The following LHX6 variants were observed in gnomAD, a reference collection of about 807,000 sequenced individuals.
The protein encoded by LHX6 is LIM/homeobox protein Lhx6.
Under a neutral mutation model 47.1 loss-of-function variants are expected in LHX6, and 15 were observed. The ratio of observed to expected loss-of-function variants is 0.32; its 90% CI spans 0.21 to 0.49. The LOEUF is 0.49. Ranked by LOEUF, LHX6 falls within the 20% of genes least tolerant of loss-of-function variation. LHX6 has a pLI of 0.99. For missense variants in LHX6, 404 were observed against 539.6 expected (o/e 0.75, Z 2.49); for synonymous variants, 242 against 233.5 (o/e 1.04, Z -0.33).
intron 1 of LHX6, 29 bp from the exon 2 acceptor site, chr9:122,227,509 G>T: frequency 1.3e-6 from 2 of 1,524,684 alleles, no homozygotes; most frequent in South Asian, 1.2e-5. Context: ...GAACGCAGGC[G>T]GCGGCGGCTG....
At chr9:122,225,805 G>T (rs1384349614) in intron 4 of LHX6, among the ~76,000 whole-genome samples, 4 of 152,236 alleles carry the variant, frequency 2.6e-5, no homozygotes, top group Admixed American at 2.0e-4. Context: ...CGAGGCGCTT[G>T]GGTATGGGAT....
intron 4 of LHX6, chr9:122,221,412 C>T (rs1186763400): frequency 3.0e-6 from 3 of 985,492 alleles, no homozygotes; most frequent in Non-Finnish European, 2.4e-6. Flanking sequence ...CCCCTGGGAC[C>T]CTCGCTTTGC....
In LHX6 at chr9:122,214,227, C is replaced by T. The variant is rs1351900578; in HGVS notation, c.783+56G>A. Reference sequence around the variant, plus strand: ...GGGCGGAGCCAGGAGACATTGTCGGCCCCGCCCACTTTCGGCCCGGCCCCC... The same window carrying T: ...GGGCGGAGCCAGGAGACATTGTCGGTCCCGCCCACTTTCGGCCCGGCCCCC... On this transcript the variant is annotated intron_variant, in intron 6 of 9. Coordinates refer to ENST00000394319, the MANE Select transcript of LHX6 (RefSeq NM_014368.5). This position sits in a 1 kb window ranked among gnomAD's most constrained non-coding sequence, Gnocchi z 4.6. The T allele has an allele frequency of 4.3e-6, 6 of 1,393,672 alleles. No individual in the cohort carries two copies. The East Asian group carries it at 1.1e-4, about 26-fold the overall frequency. The allele number at this position is 1,393,672 out of a possible 1,614,324, so 86.3% of individuals were successfully genotyped here.
rs1830451260 is a variant in LHX6 at position 122,213,019 on chromosome 9, A to C, written c.1054+587T>G. 2.0e-5 allele frequency among the ~76,000 whole-genome samples: 3 copies of C among 152,068 alleles called. No individual in the cohort carries two copies. The highest frequency in any genetic ancestry group is 2.0e-4 in the Admixed American group (3 of 15,268). On this transcript the variant is annotated intron_variant, in intron 8 of 9. Coordinates refer to ENST00000394319, the MANE Select transcript of LHX6 (RefSeq NM_014368.5). The surrounding 1 kb of genome is among the most constrained non-coding windows in gnomAD (Gnocchi z 5.5). ...AGGCCTCACAGCCCTGGACACTCCC[A>C]TCACACTGGCCTTCTGCTCCCCAGA...
chr9:122,216,558 C>A (rs1234978814), intron 5 of LHX6, among the ~76,000 whole-genome samples: 2 of 152,176 alleles, frequency 1.3e-5, no homozygotes, highest in African/African-American at 4.8e-5. Context: ...TAGTTAGAGA[C>A]CCTGGTCCAG....
At chr9:122,219,099 C>A (rs1014307488) in intron 4 of LHX6, among the ~76,000 whole-genome samples, 1 of 152,192 alleles carries the variant, frequency 6.6e-6, no homozygotes, top group Non-Finnish European at 1.5e-5. Context: ...ACGGAGGAAA[C>A]AGTCCGGCAA....
rs927836084 is a variant in LHX6 at position 122,219,679 on chromosome 9, G to T, written c.462-2391C>A. Among the ~76,000 whole-genome samples, 7 of 152,198 alleles carry T rather than the reference G, an allele frequency of 4.6e-5. No homozygotes were observed. The South Asian group carries it at 1.2e-3, about 27-fold the overall frequency. Reference sequence around the variant, plus strand: ...CTTCGTCGCAACCCGGTGAGGTGGGGACTCTGGCATCCGGTTTTCATAGGA... The same window carrying T: ...CTTCGTCGCAACCCGGTGAGGTGGGTACTCTGGCATCCGGTTTTCATAGGA... On this transcript the variant is annotated intron_variant, in intron 4 of 9. Coordinates refer to ENST00000394319, the MANE Select transcript of LHX6 (RefSeq NM_014368.5).
Position 122,227,015 on chromosome 9 carries a change from C to T in LHX6, c.172G>A (p.Glu58Lys). Reference protein sequence around the residue: ...APPAMAQSDAEALAGALDKDE... With the variant: ...APPAMAQSDAKALAGALDKDE... ...TTGTCCAGAGCTCCTGCCAGGGCCT[C>T]GGCGTCAGACTGAGCCTGCGGCGGG... The change falls in exon 3 of 10, where the codon GAG becomes AAG. Residue 58 changes from glutamate (E) to lysine (K), a missense_variant. By Grantham distance (56) the Glu-to-Lys change is moderately conservative. Around this residue, in one of 7 missense-constraint regions of LHX6, gnomAD observed 144 missense variants for 128.7 expected, o/e 1.12. Transcript: ENST00000394319. The T allele has an allele frequency of 6.6e-7, 1 of 1,504,278 alleles. No individual in the cohort carries two copies. Among genetic ancestry groups the T allele is most frequent in the Non-Finnish European group, 8.9e-7 (1 of 1,123,466 alleles). The allele number at this position is 1,504,278 out of a possible 1,614,324, so 93.2% of individuals were successfully genotyped here.
chr9:122,228,746 G>T lies in LHX6; in HGVS notation c.-6C>A, dbSNP rs780004247. On this transcript the variant is annotated 5_prime_UTR_variant, in exon 1 of 10. Transcript: ENST00000394319. ...TTCTCATGCTTCCAGTACATGGGCCGGGGAACCTCGGGCTCAGCGGGCGCG... is the reference window on the plus strand; with the variant it reads ...TTCTCATGCTTCCAGTACATGGGCCTGGGAACCTCGGGCTCAGCGGGCGCG... 1.6e-6 allele frequency: 2 copies of T among 1,259,444 alleles called. No individual in the cohort carries two copies. Among genetic ancestry groups the T allele is most frequent in the African/African-American group, 3.1e-5 (2 of 64,414 alleles). The allele number at this position is 1,259,444 out of a possible 1,614,324, so 78.0% of individuals were successfully genotyped here. A position where few individuals can be genotyped will look rare whatever the true frequency, so the allele number is the denominator to read the frequency against.
rs375553616 is a variant in LHX6, at chr9:122,209,610, T to A, written c.1158+4A>T. On this transcript the variant is annotated splice_donor_region_variant and intron_variant, in intron 9 of 9. Transcript: ENST00000394319. Reference sequence around the variant, plus strand: ...CCCACCAGACCCAACCTGGCTCCATTTACCTTCTCACCCCGGTTGGAGAGC... The same window carrying A: ...CCCACCAGACCCAACCTGGCTCCATATACCTTCTCACCCCGGTTGGAGAGC... The A allele has an allele frequency of 6.2e-7, 1 of 1,612,960 alleles. No individual in the cohort carries two copies. The highest frequency in any genetic ancestry group is 8.5e-7 in the Non-Finnish European group (1 of 1,179,116).
Position 122,228,926 on chromosome 9 carries a change from C to T in LHX6, c.-186G>A. On this transcript the variant is annotated 5_prime_UTR_variant, in exon 1 of 10. Coordinates refer to ENST00000394319, the MANE Select transcript of LHX6 (RefSeq NM_014368.5). Reference sequence around the variant, plus strand: ...CGCGCAGCCCCGGCCTCCCTGGCTGCTGCCGCCGCTGCCTCGGAAGAAGGT... The same window carrying T: ...CGCGCAGCCCCGGCCTCCCTGGCTGTTGCCGCCGCTGCCTCGGAAGAAGGT... 1 of 202,922 alleles carries T rather than the reference C, an allele frequency of 4.9e-6. No homozygotes were observed. 12.6% of individuals were successfully genotyped at this position (202,922 alleles called of 1,614,324 possible).
intron 4 of LHX6, among the ~76,000 whole-genome samples, chr9:122,222,839 A>G (rs1209243210): frequency 6.6e-6 from 1 of 152,182 alleles, no homozygotes. Context: ...CTCCCCCTCC[A>G]TGGGGCCTTG....
At chr9:122,215,446 C>G (rs78644860) in intron 5 of LHX6, among the ~76,000 whole-genome samples, 1 of 152,162 alleles carries the variant, frequency 6.6e-6, no homozygotes, top group African/African-American at 2.4e-5. Flanking sequence ...TAAGAGAGAT[C>G]GGAGGCCCCA....
At chr9:122,221,964 C>G (rs976471644) in intron 4 of LHX6, among the ~76,000 whole-genome samples, 4 of 151,986 alleles carry the variant, frequency 2.6e-5, no homozygotes, top group African/African-American at 7.3e-5. Flanking sequence ...CTCGATCCCA[C>G]CCCCACGCCA....
chr9:122,209,574 G>T, intron 9 of LHX6, 40 bp downstream of exon 9: 1 of 1,613,154 alleles, frequency 6.2e-7, no homozygotes. Flanking sequence ...TCCCCAGCAG[G>T]GTGGCTCTGA....
rs371783053 is a variant in LHX6, at chr9:122,209,733, T to A, written c.1055-16A>T. 29 of 802,166 alleles carry A rather than the reference T, an allele frequency of 3.6e-5. No individual in the cohort carries two copies. Among genetic ancestry groups the A allele is most frequent in the Non-Finnish European group, 6.6e-5 (29 of 440,422 alleles). The allele number at this position is 802,166 out of a possible 1,614,324, so 49.7% of individuals were successfully genotyped here. ...TGTACCTGACCTGTGGACGAGAGGA[T>A]GCCTTGGAGCTCATCCCCCAGGCTG... is the stretch of plus-strand genomic sequence containing the variant. On this transcript the variant is annotated splice_polypyrimidine_tract_variant and intron_variant, in intron 8 of 9. Transcript: ENST00000394319.
In LHX6 at chr9:122,213,957, G is replaced by A; in HGVS notation, c.879+17C>T. On this transcript the variant is annotated intron_variant, in intron 7 of 9. Coordinates refer to ENST00000394319, the MANE Select transcript of LHX6 (RefSeq NM_014368.5). This position sits in a 1 kb window ranked among gnomAD's most constrained non-coding sequence, Gnocchi z 5.5. ...GGCGTGCCCGCGGTCCCCAGGCCCC[G>A]CCCACCCCCGTCCCACCTGGATGAC... 5.3e-6 allele frequency: 4 copies of A among 752,546 alleles called. No individual in the cohort carries two copies. The highest frequency in any genetic ancestry group is 6.3e-6 in the Non-Finnish European group (3 of 474,868). 46.6% of individuals were successfully genotyped at this position (752,546 alleles called of 1,614,324 possible).
chr9:122,219,554 G>C (rs574915127), intron 4 of LHX6, among the ~76,000 whole-genome samples: 1 of 152,330 alleles, frequency 6.6e-6, no homozygotes, highest in African/African-American at 2.4e-5. Flanking sequence ...GGGGAGGCTG[G>C]CTTCCGATTA....
chr9:122,205,393 A>G (rs1468368246), intron 9 of LHX6, among the ~76,000 whole-genome samples: 1 of 152,226 alleles, frequency 6.6e-6, no homozygotes, highest in Non-Finnish European at 1.5e-5. Context: ...GCTCAGACAC[A>G]CTGGGTGCCC....
Sources: allele counts gnomAD v4.1 joint callset (sites outside exome capture counted in the v4.1 genomes callset), GRCh38; gene constraint gnomAD v4.1.1; regional missense constraint gnomAD v4.1.1; non-coding constraint Gnocchi (gnomAD v3.1); transcripts MANE v1.5; gene names NCBI Gene and HGNC (gene_info 2026-07-23, HGNC 2026-07-21).